The following CTNNA2 variants were observed in gnomAD, a reference collection of about 807,000 sequenced individuals.
CTNNA2 encodes the protein catenin alpha 2, also known as catenin alpha-2.
Under a neutral mutation model 101.0 loss-of-function variants are expected in CTNNA2, and 42 were observed. The observed-to-expected ratio is 0.42, with a 90% confidence interval of 0.32 to 0.54. CTNNA2 has a LOEUF of 0.54. Ranked by LOEUF, CTNNA2 falls within the 20% of genes least tolerant of loss-of-function variation. The pLI, the probability that CTNNA2 is intolerant of heterozygous loss-of-function variation, is 0.14. For missense variants in CTNNA2, 871 were observed against 1,223.1 expected, an observed-to-expected ratio of 0.71 and a Z score of 4.29; for synonymous variants, 450 against 456.4, an observed-to-expected ratio of 0.99 and a Z score of 0.18.
chr2:79,739,760 T>A (rs1025025083), intron 2 of CTNNA2, among the ~76,000 whole-genome samples: 2 of 152,204 alleles, frequency 1.3e-5, no homozygotes, highest in Admixed American at 6.5e-5. Flanking sequence ...ATTCCAGCAA[T>A]TGGGCCACCT....
chr2:80,399,592 C>T (rs1678370865), intron 8 of CTNNA2, among the ~76,000 whole-genome samples: 2 of 152,156 alleles, frequency 1.3e-5, no homozygotes, highest in Non-Finnish European at 2.9e-5. Flanking sequence ...GCTTCAACTA[C>T]TGATTTATTC....
intron 7 of CTNNA2, among the ~76,000 whole-genome samples, chr2:80,095,487 G>A (rs1394047995): frequency 6.6e-6 from 1 of 152,160 alleles, no homozygotes; most frequent in East Asian, 1.9e-4. Flanking sequence ...GTCTCTGCCA[G>A]GCTTTGGTAT....
upstream of CTNNA2, chr2:79,512,930 T>TC (rs1000233264): frequency 3.7e-4 from 54 of 146,994 alleles, no homozygotes; most frequent in Non-Finnish European, 4.8e-4. Flanking sequence ...ACTGGCTGCC[T>TC]CCCCTAGCGG....
chr2:80,368,413 C>T (rs1675131985), intron 7 of CTNNA2, among the ~76,000 whole-genome samples: 1 of 152,054 alleles, frequency 6.6e-6, no homozygotes, highest in African/African-American at 2.4e-5. Flanking sequence ...AAAGCTAATT[C>T]CCATCATATA....
At chr2:79,947,430 C>A (rs894285310) in intron 7 of CTNNA2, among the ~76,000 whole-genome samples, 1 of 152,034 alleles carries the variant, frequency 6.6e-6, no homozygotes, top group Middle Eastern at 3.2e-3. Flanking sequence ...AAAAATAATA[C>A]CCTACATTGT....
chr2:79,644,990 G>A (rs1479847092), intron 1 of CTNNA2, among the ~76,000 whole-genome samples: 1 of 146,560 alleles, frequency 6.8e-6, no homozygotes, highest in Non-Finnish European at 1.5e-5. Context: ...TTTGTTTTTT[G>A]TTTTTTTTTT....
chr2:80,553,943 A>G (rs1003505371), intron 11 of CTNNA2, among the ~76,000 whole-genome samples: 2 of 152,168 alleles, frequency 1.3e-5, no homozygotes, highest in Non-Finnish European at 1.5e-5. Context: ...GGGAAGTACT[A>G]CTTTTTGTGA....
intron 2 of CTNNA2, among the ~76,000 whole-genome samples, chr2:79,280,960 C>CT (rs1675362486): frequency 1.3e-5 from 2 of 152,092 alleles, no homozygotes; most frequent in African/African-American, 4.8e-5. Flanking sequence ...TACATCTCCC[C>CT]TGCAGGATCA....
Position 80,236,609 on chromosome 2 carries a change from G to A in CTNNA2, c.1057-156602G>A, listed in dbSNP as rs140376371. ...TGTAATCTACTAGTGTGTGCAGGAGGAAAGGAAAATGGATTCAGTGAACAA... is the reference window on the plus strand; with the variant it reads ...TGTAATCTACTAGTGTGTGCAGGAGAAAAGGAAAATGGATTCAGTGAACAA... On this transcript the variant is annotated intron_variant, in intron 7 of 18. Coordinates refer to ENST00000402739, the MANE Select transcript of CTNNA2 (RefSeq NM_001282597.3). Among the ~76,000 whole-genome samples, 1,520 of 152,278 alleles carry A rather than the reference G, an allele frequency of 1.0e-2. 16 individuals carry two copies. Among genetic ancestry groups the A allele is most frequent in the Non-Finnish European group, 0.017 (1,131 of 68,020 alleles).
chr2:80,250,183 GAGA>G (rs1671647234), intron 7 of CTNNA2, among the ~76,000 whole-genome samples: 1 of 33,734 alleles, frequency 3.0e-5, no homozygotes, highest in Non-Finnish European at 1.1e-4. Flanking sequence ...TGGATGGGGG[GAGA>G]GAGAGAGAGA....
intron 2 of CTNNA2, among the ~76,000 whole-genome samples, chr2:79,211,811 T>A (rs1323885954): frequency 6.6e-6 from 1 of 152,148 alleles, no homozygotes; most frequent in East Asian, 1.9e-4. Context: ...GGTTAAGTGT[T>A]GGGATGGCAA....
chr2:79,527,795 C>T (rs191907946), intron 1 of CTNNA2, among the ~76,000 whole-genome samples: 2 of 152,164 alleles, frequency 1.3e-5, no homozygotes, highest in East Asian at 3.9e-4. Flanking sequence ...CCTTATGACC[C>T]AACAATTCTA....
At chr2:79,216,153 G>A (rs1422781024) in intron 2 of CTNNA2, among the ~76,000 whole-genome samples, 1 of 152,120 alleles carries the variant, frequency 6.6e-6, no homozygotes. Flanking sequence ...TGGCTATTTG[G>A]AACGGCTGTC....
At chr2:80,167,132 T>G (rs1168869596) in intron 7 of CTNNA2, among the ~76,000 whole-genome samples, 1 of 152,094 alleles carries the variant, frequency 6.6e-6, no homozygotes, top group East Asian at 1.9e-4. Flanking sequence ...TATTAGTAAT[T>G]GCCATTATTG....
chr2:79,735,298 G>A (rs1670795866), intron 2 of CTNNA2, among the ~76,000 whole-genome samples: 1 of 152,062 alleles, frequency 6.6e-6, no homozygotes, highest in Non-Finnish European at 1.5e-5. Flanking sequence ...TGAAGAACAG[G>A]TGCATGAAGA....
chr2:80,542,887 C>CA (rs1553380645), intron 9 of CTNNA2, among the ~76,000 whole-genome samples: 2 of 150,596 alleles, frequency 1.3e-5, no homozygotes, highest in East Asian at 1.9e-4. Flanking sequence ...TTCCCCCCCC[C>CA]ACATGCCACT....
chr2:80,574,997 A>G (rs1270863770), intron 13 of CTNNA2: 2 of 152,316 alleles, frequency 1.3e-5, no homozygotes, highest in South Asian at 2.1e-4. Context: ...ACATTCACAT[A>G]TGTCTGTTAA....
At chr2:79,893,015 A>G (rs1684416987) in intron 6 of CTNNA2, among the ~76,000 whole-genome samples, 2 of 152,274 alleles carry the variant, frequency 1.3e-5, no homozygotes, top group South Asian at 4.1e-4. Context: ...CATTATTATT[A>G]TGGTCACAGA....
chr2:80,222,700 GT>G (rs2149057492), intron 7 of CTNNA2, among the ~76,000 whole-genome samples: 1 of 152,274 alleles, frequency 6.6e-6, no homozygotes, highest in Admixed American at 6.5e-5. Context: ...AAACTCAAAA[GT>G]ATTTGTCATC....
Sources: allele counts gnomAD v4.1 joint callset (sites outside exome capture counted in the v4.1 genomes callset), GRCh38; gene constraint gnomAD v4.1.1; transcripts MANE v1.5; gene names NCBI Gene and HGNC (gene_info 2026-07-23, HGNC 2026-07-21).